Variants in PRKAR2A observed in about 807,000 individuals in gnomAD.
PRKAR2A encodes the protein cAMP-dependent protein kinase type II-alpha regulatory subunit.
Under a neutral mutation model 51.9 loss-of-function variants are expected in PRKAR2A, and 29 were observed. The ratio of observed to expected loss-of-function variants is 0.56; its 90% CI spans 0.42 to 0.76. The LOEUF is 0.76. PRKAR2A is among the 30% of genes least tolerant of loss of function. PRKAR2A has a pLI of 0.00. For synonymous variants in PRKAR2A, 178 were observed against 186.2 expected (o/e 0.96, Z 0.36); for missense variants, 445 against 512.1 (o/e 0.87, Z 1.26).
At chr3:48,765,803 G>T (rs1274611320) in intron 6 of PRKAR2A, among the ~76,000 whole-genome samples, 1 of 147,872 alleles carries the variant, frequency 6.8e-6, no homozygotes, top group Non-Finnish European at 1.5e-5. Context: ...TAGAATCCAG[G>T]ATTTAAAAAA....
chr3:48,824,356 C>T (rs183905799), intron 1 of PRKAR2A, among the ~76,000 whole-genome samples: 81 of 151,814 alleles, frequency 5.3e-4, no homozygotes, highest in Non-Finnish European at 6.6e-4. Flanking sequence ...GTTCATGCCA[C>T]TGTGCTCCAG....
rs2081581168 is a variant in PRKAR2A, at chr3:48,747,701, GC to G, written c.*3883del. 1 of 152,184 alleles carries G rather than the reference GC, an allele frequency of 6.6e-6. No individual in the cohort carries two copies. Among genetic ancestry groups the G allele is most frequent in the Non-Finnish European group, 1.5e-5 (1 of 68,056 alleles). The allele number at this position is 152,184 out of a possible 1,614,324, so 9.4% of individuals were successfully genotyped here. On this transcript the variant is annotated 3_prime_UTR_variant, in exon 11 of 11. Coordinates refer to ENST00000265563, the MANE Select transcript of PRKAR2A (RefSeq NM_004157.4). ...AGAGAGTGGGTGGCATAAGCTGGGG[GC>G]CAAAAGGAAGGCTCTCAGGAATATT...
intron 1 of PRKAR2A, among the ~76,000 whole-genome samples, chr3:48,808,620 C>T (rs1166919213): frequency 1.8e-4 from 14 of 79,220 alleles, no homozygotes; most frequent in Admixed American, 1.4e-3. Flanking sequence ...ACAGGTGATC[C>T]GCCTGCCTCA....
chr3:48,842,705 C>A (rs546716384), intron 1 of PRKAR2A, among the ~76,000 whole-genome samples: 1 of 152,176 alleles, frequency 6.6e-6, no homozygotes, highest in East Asian at 1.9e-4. Context: ...TGTTTATATG[C>A]TGGATTACAT....
At chr3:48,759,809 T>C (rs1016067795) in intron 8 of PRKAR2A, among the ~76,000 whole-genome samples, 1 of 152,256 alleles carries the variant, frequency 6.6e-6, no homozygotes, top group Non-Finnish European at 1.5e-5. Context: ...TTTGTGAACA[T>C]GTCATCAGGT....
At chr3:48,827,454 CA>C (rs2083086989) in intron 1 of PRKAR2A, among the ~76,000 whole-genome samples, 1 of 151,816 alleles carries the variant, frequency 6.6e-6, no homozygotes, top group South Asian at 2.1e-4. Context: ...CTCGAAAAAA[CA>C]AAAGCACATG....
At chr3:48,781,518 T>G (rs1266714695) in intron 5 of PRKAR2A, among the ~76,000 whole-genome samples, 1 of 151,668 alleles carries the variant, frequency 6.6e-6, no homozygotes, top group Non-Finnish European at 1.5e-5. Flanking sequence ...CTTTTTTATT[T>G]TTATTTTTTT....
chr3:48,846,966 C>T (rs1409810658), intron 1 of PRKAR2A, among the ~76,000 whole-genome samples: 1 of 152,256 alleles, frequency 6.6e-6, no homozygotes, highest in Non-Finnish European at 1.5e-5. Flanking sequence ...AACAAACTTA[C>T]TGTCCTATCA....
intron 1 of PRKAR2A, among the ~76,000 whole-genome samples, chr3:48,837,974 C>G (rs1039482403): frequency 6.6e-6 from 1 of 151,286 alleles, no homozygotes; most frequent in Non-Finnish European, 1.5e-5. Flanking sequence ...GTCAGGAGAT[C>G]GAGACCATCC....
At chr3:48,755,339 T>G (rs1575835636) in intron 9 of PRKAR2A, among the ~76,000 whole-genome samples, 1 of 151,990 alleles carries the variant, frequency 6.6e-6, no homozygotes, top group Non-Finnish European at 1.5e-5. Flanking sequence ...AGTTTTCATA[T>G]TAACTCGACT....
intron 1 of PRKAR2A, among the ~76,000 whole-genome samples, chr3:48,837,191 G>A (rs552355941): frequency 1.2e-4 from 18 of 151,948 alleles, no homozygotes; most frequent in Non-Finnish European, 2.1e-4. Context: ...TTATGGTGGC[G>A]CATGAGCCCA....
chr3:48,802,303 A>C (rs1423647436), intron 2 of PRKAR2A, among the ~76,000 whole-genome samples: 1 of 152,136 alleles, frequency 6.6e-6, no homozygotes, highest in Non-Finnish European at 1.5e-5. Context: ...TGGCCTCCCA[A>C]AGTGGTGGGA....
intron 5 of PRKAR2A, among the ~76,000 whole-genome samples, chr3:48,775,905 C>T (rs1575861199): frequency 6.6e-6 from 1 of 152,012 alleles, no homozygotes; most frequent in East Asian, 1.9e-4. Flanking sequence ...GTCAGGAGTT[C>T]GAGACCAGCC....
At chr3:48,844,162 A>G (rs2083423876) in intron 1 of PRKAR2A, among the ~76,000 whole-genome samples, 1 of 152,242 alleles carries the variant, frequency 6.6e-6, no homozygotes, top group South Asian at 2.1e-4. Flanking sequence ...CAACCCCATC[A>G]AAAAGCGGGC....
chr3:48,768,463 C>T (rs2107242606), intron 6 of PRKAR2A, among the ~76,000 whole-genome samples: 1 of 151,726 alleles, frequency 6.6e-6, no homozygotes, highest in East Asian at 1.9e-4. Context: ...TTTGGGAGGC[C>T]AAAGTGGGTG....
intron 2 of PRKAR2A, among the ~76,000 whole-genome samples, chr3:48,805,306 T>G (rs1257789159): frequency 6.6e-6 from 1 of 152,198 alleles, no homozygotes; most frequent in Non-Finnish European, 1.5e-5. Flanking sequence ...ACCCATTTCC[T>G]GTCAGTGTTA....
At chr3:48,820,977 T>C (rs890201247) in intron 1 of PRKAR2A, among the ~76,000 whole-genome samples, 3 of 152,180 alleles carry the variant, frequency 2.0e-5, no homozygotes, top group African/African-American at 7.2e-5. Flanking sequence ...ACAGTTCCTG[T>C]TACTCCAGGC....
Position 48,765,332 on chromosome 3 carries a change from T to C in PRKAR2A, c.714A>G (p.Arg238=), listed in dbSNP as rs1175426895. ...TTGCATTATTTTTCACTATGATTCTTCTAAAAGTCACCCGGTCCTACAAGA... is the reference window on the plus strand; with the variant it reads ...TTGCATTATTTTTCACTATGATTCTCCTAAAAGTCACCCGGTCCTACAAGA... The part of the protein sequence containing the change: ...SLWGLDRVTF[R]RIIVKNNAKK... Residue 238 remains arginine, a synonymous_variant, in exon 7 of 11, where the codon AGA becomes AGG. Transcript: ENST00000265563. 1 of 1,610,094 alleles carries C rather than the reference T, an allele frequency of 6.2e-7. No homozygotes were observed. The highest frequency in any genetic ancestry group is 2.2e-5 in the East Asian group (1 of 44,832).
chr3:48,786,759 C>T (rs540506810), intron 4 of PRKAR2A, among the ~76,000 whole-genome samples: 158 of 152,022 alleles, frequency 1.0e-3, no homozygotes, highest in Non-Finnish European at 2.0e-3. Flanking sequence ...ACCAAGTATT[C>T]GCTAACAGAA....
Sources: gnomAD v4.1 joint callset for allele counts (sites outside exome capture counted in the v4.1 genomes callset) on GRCh38, gnomAD v4.1.1 for gene constraint, MANE v1.5 for transcripts, NCBI Gene and HGNC (gene_info 2026-07-23, HGNC 2026-07-21) for gene names.